Variants in PAXIP1 observed in about 807,000 individuals in gnomAD.
PAXIP1 encodes PAX interacting protein 1, also known as PAX-interacting protein 1.
Under a neutral mutation model 140.6 loss-of-function variants are expected in PAXIP1, and 19 were observed. The ratio of observed to expected loss-of-function variants is 0.14; its 90% CI spans 0.09 to 0.20. PAXIP1 has a LOEUF of 0.20. Ranked by LOEUF, PAXIP1 falls within the 10% of genes least tolerant of loss-of-function variation. The pLI is 1.00. For missense variants in PAXIP1, 920 were observed against 1,208.6 expected (o/e 0.76, Z 3.54); for synonymous variants, 442 against 444.6 (o/e 0.99, Z 0.07).
At chr7:154,979,587 GTTA>G (rs1317240735) in intron 5 of PAXIP1, among the ~76,000 whole-genome samples, 1 of 151,396 alleles carries the variant, frequency 6.6e-6, no homozygotes, top group Non-Finnish European at 1.5e-5. Flanking sequence ...AATATTTGTG[GTTA>G]TTGAGTTACA....
chr7:154,972,713 A>C (rs1809384148), intron 6 of PAXIP1, among the ~76,000 whole-genome samples: 1 of 152,182 alleles, frequency 6.6e-6, no homozygotes, highest in Non-Finnish European at 1.5e-5. Context: ...TATGAGAGAG[A>C]TCTTTACGGC....
Position 155,003,010 on chromosome 7 carries a change from C to A in PAXIP1, c.-81G>T, listed in dbSNP as rs958914495. ...CCCCGGCCCCCGCGGCGCCCGGCGC[C>A]CCCACTCGCCCCGCCAACGGCCCTG... On this transcript the variant is annotated 5_prime_UTR_variant, in exon 1 of 21. Transcript: ENST00000404141. 69 of 489,062 alleles carry A rather than the reference C, an allele frequency of 1.4e-4. No individual in the cohort carries two copies. Among genetic ancestry groups the A allele is most frequent in the Non-Finnish European group, 1.7e-4 (64 of 380,042 alleles). The allele number at this position is 489,062 out of a possible 1,614,324, so 30.3% of individuals were successfully genotyped here.
At position 154,990,105 on chromosome 7, in the gene PAXIP1, G is replaced by A. The variant is rs527334694; in HGVS notation, c.324+901C>T. On this transcript the variant is annotated intron_variant, in intron 4 of 20. Transcript: ENST00000404141. The stretch of plus-strand genomic sequence containing the variant: ...TACCCAGGCTGGAGTGCAATGGCAC[G>A]ATCTCAGCTCACCACAACCTCCGCC... 2.2e-5 allele frequency among the ~76,000 whole-genome samples: 3 copies of A among 136,542 alleles called. No individual in the cohort carries two copies. The East Asian group carries it at 6.9e-4, about 31-fold the overall frequency. 89.6% of individuals were successfully genotyped at this position (136,542 alleles called of 152,430 possible).
intron 2 of PAXIP1, among the ~76,000 whole-genome samples, chr7:154,997,537 A>T (rs981162058): frequency 6.6e-6 from 1 of 152,254 alleles, no homozygotes; most frequent in Non-Finnish European, 1.5e-5. Flanking sequence ...GTGGTATAGA[A>T]CTATTTTAAA....
rs1585031213 is a variant in PAXIP1, at chr7:154,946,190, T to C, written c.3194+175A>G. 1 of 983,376 alleles carries C rather than the reference T, an allele frequency of 1.0e-6. No individual in the cohort carries two copies. Among genetic ancestry groups the C allele is most frequent in the East Asian group, 1.1e-4 (1 of 8,818 alleles). The allele number at this position is 983,376 out of a possible 1,614,324, so 60.9% of individuals were successfully genotyped here. On this transcript the variant is annotated intron_variant, in intron 20 of 20. Coordinates refer to ENST00000404141, the MANE Select transcript of PAXIP1 (RefSeq NM_007349.4). The surrounding 1 kb of genome is among the most constrained non-coding windows in gnomAD (Gnocchi z 4.9). ...CTCTCAGTAAGTTAAGAGAATATTT[T>C]TACTAGCAACTCAAATGAATATTCT...
At chr7:154,962,506 A>G (rs1375604133) in intron 9 of PAXIP1, 48 bp from the exon 10 acceptor site, 6 of 1,553,096 alleles carry the variant, frequency 3.9e-6, no homozygotes, top group Non-Finnish European at 5.3e-6. Context: ...TTTCTGCTGC[A>G]GGATTAAAGA....
At chr7:154,994,669 G>GC (rs1283666536) in intron 2 of PAXIP1, among the ~76,000 whole-genome samples, 4 of 151,970 alleles carry the variant, frequency 2.6e-5, no homozygotes, top group African/African-American at 4.8e-5. Flanking sequence ...ACAATGAAAT[G>GC]CCCCCCTTAT....
chr7:154,943,953 T>C lies in PAXIP1; in HGVS notation c.*196A>G. 1 of 626,508 alleles carries C rather than the reference T, an allele frequency of 1.6e-6. No homozygotes were observed. The highest frequency in any genetic ancestry group is 2.4e-5 in the Admixed American group (1 of 41,144). The allele number at this position is 626,508 out of a possible 1,614,324, so 38.8% of individuals were successfully genotyped here. ...GTCATATAATACAAAACATAATTTA[T>C]GTTTCCTCAGAATAAAATTGCACAT... is the stretch of plus-strand genomic sequence containing the variant. On this transcript the variant is annotated 3_prime_UTR_variant, in exon 21 of 21. Transcript: ENST00000404141.
rs1807799361 is a variant in PAXIP1 at position 154,943,770 on chromosome 7, C to CA, written c.*378dup. 5.2e-6 allele frequency: 1 copy of CA among 191,404 alleles called. No individual in the cohort carries two copies. Among genetic ancestry groups the CA allele is most frequent in the Non-Finnish European group, 1.1e-5 (1 of 91,762 alleles). 11.9% of individuals were successfully genotyped at this position (191,404 alleles called of 1,614,324 possible). On this transcript the variant is annotated 3_prime_UTR_variant, in exon 21 of 21. Transcript: ENST00000404141. ...ACAGAGTATAAGAAATAAAAATAAT[C>CA]AAAGTACAAAACATTTCAAATCTTT...
intron 5 of PAXIP1, among the ~76,000 whole-genome samples, chr7:154,981,123 G>GA (rs572385333): frequency 0.011 from 1,616 of 147,040 alleles, 13 homozygotes; most frequent in Admixed American, 0.028. Context: ...TCTGTCTCAA[G>GA]AAAAAAAAAA....
Position 154,963,088 on chromosome 7 carries a change from A to C in PAXIP1, c.1989+583T>G, listed in dbSNP as rs1808836419. Among the ~76,000 whole-genome samples the C allele has an allele frequency of 6.6e-6, 1 of 152,210 alleles. No homozygotes were observed. Among genetic ancestry groups the C allele is most frequent in the Non-Finnish European group, 1.5e-5 (1 of 68,038 alleles). On this transcript the variant is annotated intron_variant, in intron 9 of 20. Transcript: ENST00000404141. The surrounding 1 kb of genome is among the most constrained non-coding windows in gnomAD (Gnocchi z 4.1). ...ACCTGGTCTTTACACGCTTGTGTGC[A>C]AGTCACACACCAGTACAGAATCCTG...
intron 4 of PAXIP1, among the ~76,000 whole-genome samples, chr7:154,990,653 C>CT (rs529729648): frequency 2.6e-5 from 4 of 152,126 alleles, no homozygotes; most frequent in Non-Finnish European, 5.9e-5. Flanking sequence ...CTGCTAAGGT[C>CT]TTTTTTATTC....
rs538219550 is a variant in PAXIP1, at chr7:154,946,012, G to A, written c.3194+353C>T. The A allele has an allele frequency of 4.3e-4, 423 of 984,870 alleles. No homozygotes were observed. In the South Asian group the frequency reaches 7.1e-3, roughly 17 times the overall value. The allele number at this position is 984,870 out of a possible 1,614,324, so 61.0% of individuals were successfully genotyped here. A position where few individuals can be genotyped will look rare whatever the true frequency, so the allele number is the denominator to read the frequency against. On this transcript the variant is annotated intron_variant, in intron 20 of 20. Coordinates refer to ENST00000404141, the MANE Select transcript of PAXIP1 (RefSeq NM_007349.4). This position sits in a 1 kb window ranked among gnomAD's most constrained non-coding sequence, Gnocchi z 4.9. Reference sequence around the variant, plus strand: ...CTATATACGAACTAAATTTCATTTGGAAAACTACAAACTCAAAGGTGAGCT... The same window carrying A: ...CTATATACGAACTAAATTTCATTTGAAAAACTACAAACTCAAAGGTGAGCT...
At chr7:154,950,527 G>A (rs1808226174) in intron 16 of PAXIP1, 1 of 152,294 alleles carries the variant, frequency 6.6e-6, no homozygotes, top group Non-Finnish European at 1.5e-5. Context: ...ATTCACTGCA[G>A]GTGGGAATGC....
intron 6 of PAXIP1, among the ~76,000 whole-genome samples, chr7:154,972,811 C>G (rs866330951): frequency 6.6e-6 from 1 of 152,234 alleles, no homozygotes; most frequent in Non-Finnish European, 1.5e-5. Flanking sequence ...TTCTCAATTC[C>G]TCCACCTCAG....
At position 154,956,965 on chromosome 7, in the gene PAXIP1, A is replaced by G; in HGVS notation, c.2549+259T>C. On this transcript the variant is annotated intron_variant, in intron 14 of 20. Coordinates refer to ENST00000404141, the MANE Select transcript of PAXIP1 (RefSeq NM_007349.4). This position sits in a 1 kb window ranked among gnomAD's most constrained non-coding sequence, Gnocchi z 4.2. ...CTCCCACCCCACTTCCACCACTGCA[A>G]CTTCTGTTTTACATGTTGGAAAGGG... 3.2e-6 allele frequency: 1 copy of G among 309,230 alleles called. No homozygotes were observed. Among genetic ancestry groups the G allele is most frequent in the South Asian group, 5.7e-5 (1 of 17,600 alleles). The allele number at this position is 309,230 out of a possible 1,614,324, so 19.2% of individuals were successfully genotyped here.
At chr7:154,978,911 A>C (rs1284059441) in intron 5 of PAXIP1, among the ~76,000 whole-genome samples, 1 of 152,168 alleles carries the variant, frequency 6.6e-6, no homozygotes, top group East Asian at 1.9e-4. Flanking sequence ...TTGAGTTCCT[A>C]GTTTGTATAG....
At chr7:154,975,648 C>T in intron 6 of PAXIP1, 48 bp downstream of exon 6, 1 of 1,288,274 alleles carries the variant, frequency 7.8e-7, no homozygotes. Flanking sequence ...CTGTGAAATC[C>T]AATTCTAAGA....
chr7:154,991,683 A>G (rs1381917824), intron 3 of PAXIP1, among the ~76,000 whole-genome samples: 1 of 152,230 alleles, frequency 6.6e-6, no homozygotes, highest in African/African-American at 2.4e-5. Context: ...AAAATGATTA[A>G]TGAGCACTTA....
Sources: gnomAD v4.1 joint callset for allele counts (sites outside exome capture counted in the v4.1 genomes callset) on GRCh38, gnomAD v4.1.1 for gene constraint, Gnocchi (gnomAD v3.1) non-coding constraint, MANE v1.5 for transcripts, NCBI Gene and HGNC (gene_info 2026-07-23, HGNC 2026-07-21) for gene names.